EPS8: variants seen among roughly 807,000 people sequenced by gnomAD.
EPS8 encodes the protein EGFR pathway substrate 8, signaling adaptor, also known as epidermal growth factor receptor kinase substrate 8.
In EPS8, 42 loss-of-function variants were observed where a neutral mutation model predicts 103.8. The ratio of observed to expected loss-of-function variants is 0.40; its 90% CI spans 0.32 to 0.52. The LOEUF (loss-of-function observed/expected upper bound fraction) is 0.52, where lower values mean the gene tolerates loss of function less well. Among genes scored for constraint, EPS8 ranks in the 20% least tolerant of loss-of-function variants. EPS8 has a pLI of 0.40. For synonymous variants in EPS8, 344 were observed against 344.6 expected (o/e 1.00, Z 0.02); for missense variants, 969 against 1,005.1 (o/e 0.96, Z 0.49).
intron 3 of EPS8, among the ~76,000 whole-genome samples, chr12:15,672,682 T>A (rs750516298): frequency 5.3e-5 from 8 of 152,226 alleles, no homozygotes; most frequent in Non-Finnish European, 1.0e-4. Flanking sequence ...TATTAACACA[T>A]CGATAATTGT....
intron 1 of EPS8, among the ~76,000 whole-genome samples, chr12:15,773,133 A>T (rs747565391): frequency 6.6e-6 from 1 of 152,156 alleles, no homozygotes; most frequent in Non-Finnish European, 1.5e-5. Flanking sequence ...ATGTTAAGAG[A>T]CTATGTTCCA....
At position 15,734,094 on chromosome 12, in the gene EPS8, C is replaced by T. The variant is rs1315541008; in HGVS notation, c.-21-51122G>A. On this transcript the variant is annotated intron_variant, in intron 1 of 20. Coordinates refer to ENST00000281172, the MANE Select transcript of EPS8 (RefSeq NM_004447.6). This position sits in a 1 kb window ranked among gnomAD's most constrained non-coding sequence, Gnocchi z 4.1. ...AGCTCAAGTAATCCTCCCATCTCAGCCTCCCCAAAGTTCTGGGATTACAGG... is the reference window on the plus strand; with the variant it reads ...AGCTCAAGTAATCCTCCCATCTCAGTCTCCCCAAAGTTCTGGGATTACAGG... Among the ~76,000 whole-genome samples the T allele has an allele frequency of 6.6e-6, 1 of 152,102 alleles. No individual in the cohort carries two copies. The highest frequency in any genetic ancestry group is 1.5e-5 in the Non-Finnish European group (1 of 68,014).
rs1312520459 is a variant in EPS8 at position 15,747,519 on chromosome 12, C to T, written c.-22+41642G>A. On this transcript the variant is annotated intron_variant, in intron 1 of 20. Transcript: ENST00000281172. The surrounding 1 kb of genome is among the most constrained non-coding windows in gnomAD (Gnocchi z 4.4). The stretch of plus-strand genomic sequence containing the variant: ...TATTTTTGTGAACTGATAGAGAACC[C>T]CCAGTTACCATCTACAACACTGCAT... 6.6e-6 allele frequency among the ~76,000 whole-genome samples: 1 copy of T among 152,028 alleles called. No individual in the cohort carries two copies. The highest frequency in any genetic ancestry group is 1.5e-5 in the Non-Finnish European group (1 of 68,006).
rs1421183032 is a variant in EPS8, at chr12:15,757,742, C to T, written c.-22+31419G>A. Among the ~76,000 whole-genome samples the T allele has an allele frequency of 6.6e-6, 1 of 152,176 alleles. No individual in the cohort carries two copies. Among genetic ancestry groups the T allele is most frequent in the East Asian group, 1.9e-4 (1 of 5,200 alleles). ...TTACATGCCCCCTAATGTGATGCAACAGGAAATGCAGACCATCATTTATGC... is the reference window on the plus strand; with the variant it reads ...TTACATGCCCCCTAATGTGATGCAATAGGAAATGCAGACCATCATTTATGC... On this transcript the variant is annotated intron_variant, in intron 1 of 20. Transcript: ENST00000281172. This position sits in a 1 kb window ranked among gnomAD's most constrained non-coding sequence, Gnocchi z 4.1.
At chr12:15,626,409 T>C (rs1471214690) in intron 18 of EPS8, among the ~76,000 whole-genome samples, 1 of 152,022 alleles carries the variant, frequency 6.6e-6, no homozygotes, top group Non-Finnish European at 1.5e-5. Flanking sequence ...GGCAGGCGGA[T>C]CACAAGGTCA....
chr12:15,658,559 G>T lies in EPS8; in HGVS notation c.964C>A (p.Pro322Thr), dbSNP rs1945548400. 1.9e-6 allele frequency: 3 copies of T among 1,613,140 alleles called. No homozygotes were observed. The highest frequency in any genetic ancestry group is 1.7e-6 in the Non-Finnish European group (2 of 1,179,284). The change falls in exon 11 of 21, where the codon CCT becomes ACT. Residue 322 changes from proline to threonine, a missense_variant. Transcript: ENST00000281172. ...GEGVLTLRAKPPPPDEFLDCF... is the reference protein window; with the variant it reads ...GEGVLTLRAKTPPPDEFLDCF... ...TCAAGAAATTCATCAGGAGGTGGAG[G>T]TTTTGCCCGCAGCGTTAAAACACCC... is the stretch of plus-strand genomic sequence containing the variant.
At chr12:15,622,825 C>G (rs55980185) in intron 20 of EPS8, among the ~76,000 whole-genome samples, 9,513 of 151,912 alleles carry the variant, frequency 0.063, 586 homozygotes, top group African/African-American at 0.17. Flanking sequence ...GGATTCTGGC[C>G]TCTTAAGGCT....
In EPS8 at chr12:15,698,224, G is replaced by A. The variant is rs1946266660; in HGVS notation, c.-21-15252C>T. On this transcript the variant is annotated intron_variant, in intron 1 of 20. Transcript: ENST00000281172. The surrounding 1 kb of genome is among the most constrained non-coding windows in gnomAD (Gnocchi z 4.9). ...ATGCCTGTGAATATTTTATTACTTG[G>A]CCAAATGGAGATGTTTATCTCAAAT... Among the ~76,000 whole-genome samples the A allele has an allele frequency of 6.6e-6, 1 of 151,942 alleles. No homozygotes were observed. The highest frequency in any genetic ancestry group is 1.9e-4 in the East Asian group (1 of 5,192).
chr12:15,621,275 A>G lies in EPS8; in HGVS notation c.*42T>C. 1.9e-6 allele frequency: 2 copies of G among 1,038,600 alleles called. No homozygotes were observed. The highest frequency in any genetic ancestry group is 1.4e-6 in the Non-Finnish European group (1 of 702,414). The allele number at this position is 1,038,600 out of a possible 1,614,324, so 64.3% of individuals were successfully genotyped here. ...GGCTTCTTAAAACAAAGCATGTTGG[A>G]ATAATGCCAAAAACAATGGAGTTTA... On this transcript the variant is annotated 3_prime_UTR_variant, in exon 21 of 21. Transcript: ENST00000281172.
At chr12:15,650,676 G>A (rs1335410369) in intron 14 of EPS8, 147 bp downstream of exon 14, 8 of 705,380 alleles carry the variant, frequency 1.1e-5, no homozygotes, top group Non-Finnish European at 1.6e-5. Context: ...AGGCAAGAGA[G>A]AGAGGTAATT....
chr12:15,641,284 G>C (rs1222667522), intron 16 of EPS8, among the ~76,000 whole-genome samples: 1 of 152,004 alleles, frequency 6.6e-6, no homozygotes, highest in Non-Finnish European at 1.5e-5. Context: ...ATCTAACAAA[G>C]AGAAGTTGGT....
intron 3 of EPS8, chr12:15,672,570 C>T: frequency 2.5e-6 from 1 of 395,252 alleles, no homozygotes; most frequent in Non-Finnish European, 4.5e-6. Flanking sequence ...CCCAATATAA[C>T]AAAACATAAA....
intron 15 of EPS8, among the ~76,000 whole-genome samples, chr12:15,642,522 A>AATAGATT (rs1294098085): frequency 6.6e-6 from 1 of 152,150 alleles, no homozygotes; most frequent in African/African-American, 2.4e-5. Flanking sequence ...AATGAGTACT[A>AATAGATT]ATAGATTTAA....
chr12:15,710,121 A>G (rs1341533241), intron 1 of EPS8, among the ~76,000 whole-genome samples: 3 of 152,304 alleles, frequency 2.0e-5, no homozygotes, highest in East Asian at 3.9e-4. Context: ...GATACTCACT[A>G]TGTCATTTGG....
chr12:15,671,384 C>T (rs1023514104), intron 3 of EPS8, among the ~76,000 whole-genome samples: 11 of 152,018 alleles, frequency 7.2e-5, no homozygotes, highest in Non-Finnish European at 1.5e-5. Context: ...AGGAACATCT[C>T]CTTTTGCAAT....
rs977207712 is a variant in EPS8, at chr12:15,702,644, T to A, written c.-21-19672A>T. Among the ~76,000 whole-genome samples the A allele has an allele frequency of 6.8e-6, 1 of 146,840 alleles. No individual in the cohort carries two copies. The stretch of plus-strand genomic sequence containing the variant: ...AGTATATTAAATATGAAGAAAAAAA[T>A]TGCATGCCTAATATTTTTACCTATA... On this transcript the variant is annotated intron_variant, in intron 1 of 20. Transcript: ENST00000281172. The surrounding 1 kb of genome is among the most constrained non-coding windows in gnomAD (Gnocchi z 5.1).
intron 1 of EPS8, among the ~76,000 whole-genome samples, chr12:15,774,519 T>C (rs1947187002): frequency 6.6e-6 from 1 of 150,680 alleles, no homozygotes; most frequent in African/African-American, 2.4e-5. Context: ...CAATGCTCAA[T>C]AGGCAAGGTA....
intron 18 of EPS8, among the ~76,000 whole-genome samples, chr12:15,627,907 G>C (rs1437236229): frequency 6.6e-6 from 1 of 152,166 alleles, no homozygotes; most frequent in African/African-American, 2.4e-5. Flanking sequence ...TGGTCACTTA[G>C]GGAGCTTTTT....
intron 19 of EPS8, 105 bp downstream of exon 19, chr12:15,624,122 G>A: frequency 1.2e-6 from 1 of 860,270 alleles, no homozygotes; most frequent in Non-Finnish European, 1.9e-6. Context: ...TATGCAGTCT[G>A]TGCCCTTATG....
Sources: allele counts gnomAD v4.1 joint callset (sites outside exome capture counted in the v4.1 genomes callset), GRCh38; gene constraint gnomAD v4.1.1; non-coding constraint Gnocchi (gnomAD v3.1); transcripts MANE v1.5; gene names NCBI Gene and HGNC (gene_info 2026-07-23, HGNC 2026-07-21).